Variants in CADM2 observed in about 807,000 individuals in gnomAD.
The protein encoded by CADM2 is cell adhesion molecule 2.
Under a neutral mutation model 49.8 loss-of-function variants are expected in CADM2, and 12 were observed. That is an observed-to-expected ratio of 0.24 (90% CI 0.15 to 0.39). The LOEUF (loss-of-function observed/expected upper bound fraction) is 0.39. Among genes scored for constraint, CADM2 ranks in the 10% least tolerant of loss-of-function variants. CADM2 has a pLI of 1.00. For missense variants in CADM2, 378 were observed against 492.3 expected (o/e 0.77, Z 2.20); for synonymous variants, 214 against 175.4 (o/e 1.22, Z -1.74).
chr3:85,111,464 GT>G (rs2038455161), intron 1 of CADM2, among the ~76,000 whole-genome samples: 1 of 151,820 alleles, frequency 6.6e-6, no homozygotes, highest in African/African-American at 2.4e-5. Context: ...ATGAAAATAT[GT>G]ATTAGTGTTC....
chr3:85,578,003 C>CCTTCCTTCCTTCCTTT (rs1215643112), intron 1 of CADM2, among the ~76,000 whole-genome samples: 1 of 150,654 alleles, frequency 6.6e-6, no homozygotes, highest in Admixed American at 6.6e-5. Context: ...TTCCTTCCTT[C>CCTTCCTTCCTTCCTTT]CTTCCTTCCT....
intron 3 of CADM2, among the ~76,000 whole-genome samples, chr3:85,817,560 C>A (rs1372872629): frequency 6.6e-6 from 1 of 152,130 alleles, no homozygotes; most frequent in Non-Finnish European, 1.5e-5. Context: ...TATTTCTTTG[C>A]AACTTAAAAT....
At chr3:85,329,396 CA>C (rs2044848787) in intron 1 of CADM2, among the ~76,000 whole-genome samples, 1 of 132,120 alleles carries the variant, frequency 7.6e-6, no homozygotes, top group Non-Finnish European at 1.6e-5. Context: ...CACACAGACA[CA>C]CACACACACA....
intron 1 of CADM2, among the ~76,000 whole-genome samples, chr3:85,187,663 A>G (rs184724625): frequency 2.8e-4 from 43 of 152,222 alleles, no homozygotes; most frequent in African/African-American, 9.9e-4. Flanking sequence ...TAATATCAAA[A>G]TTTAAAGTAT....
At chr3:85,581,602 CTTTAA>C (rs1486884499) in intron 1 of CADM2, among the ~76,000 whole-genome samples, 2 of 151,666 alleles carry the variant, frequency 1.3e-5, no homozygotes, top group African/African-American at 2.4e-5. Flanking sequence ...GTTAAACTAC[CTTTAA>C]TTTAAGAGGG....
At chr3:85,810,325 G>C (rs1184278119) in intron 3 of CADM2, among the ~76,000 whole-genome samples, 1 of 152,110 alleles carries the variant, frequency 6.6e-6, no homozygotes, top group African/African-American at 2.4e-5. Context: ...CTAAGGTAAA[G>C]AGTGTGGATC....
At chr3:85,177,785 A>G (rs2040823546) in intron 1 of CADM2, among the ~76,000 whole-genome samples, 1 of 151,980 alleles carries the variant, frequency 6.6e-6, no homozygotes, top group African/African-American at 2.4e-5. Flanking sequence ...CTGTTGGATG[A>G]GTAGTGTATC....
chr3:86,018,566 C>T (rs867269270), intron 8 of CADM2, among the ~76,000 whole-genome samples: 3 of 152,162 alleles, frequency 2.0e-5, no homozygotes, highest in Non-Finnish European at 4.4e-5. Context: ...TAATGATTGC[C>T]ATTCTAACTG....
intron 1 of CADM2, among the ~76,000 whole-genome samples, chr3:85,188,184 G>C (rs920674396): frequency 6.6e-6 from 1 of 151,958 alleles, no homozygotes; most frequent in African/African-American, 2.4e-5. Flanking sequence ...GAATACATGT[G>C]ATTTTAAAAT....
intron 8 of CADM2, among the ~76,000 whole-genome samples, chr3:85,975,353 T>A (rs536260562): frequency 1.3e-5 from 2 of 151,158 alleles, no homozygotes; most frequent in South Asian, 2.1e-4. Context: ...TTTAACAGCC[T>A]GAAAACTATT....
At chr3:85,175,276 AC>A (rs752491133) in intron 1 of CADM2, among the ~76,000 whole-genome samples, 25 of 152,142 alleles carry the variant, frequency 1.6e-4, no homozygotes, top group Non-Finnish European at 2.9e-4. Flanking sequence ...CAGTGCATGC[AC>A]CCCCCGAAAA....
intron 1 of CADM2, among the ~76,000 whole-genome samples, chr3:85,589,235 A>G (rs1260202386): frequency 1.3e-5 from 2 of 151,942 alleles, no homozygotes; most frequent in Non-Finnish European, 2.9e-5. Flanking sequence ...CCCAGATGTG[A>G]GAGTTCCAAC....
At chr3:85,672,918 C>A (rs191934172) in intron 1 of CADM2, among the ~76,000 whole-genome samples, 6 of 152,274 alleles carry the variant, frequency 3.9e-5, no homozygotes, top group Non-Finnish European at 7.4e-5. Flanking sequence ...CTGGTGAAAG[C>A]AGAATGAGTG....
At chr3:85,204,729 C>A (rs921669219) in intron 1 of CADM2, among the ~76,000 whole-genome samples, 1 of 151,992 alleles carries the variant, frequency 6.6e-6, no homozygotes, top group Non-Finnish European at 1.5e-5. Flanking sequence ...TTGCTAGGAG[C>A]TTTGATTAAA....
chr3:85,280,034 G>A (rs2043462922), intron 1 of CADM2, among the ~76,000 whole-genome samples: 1 of 151,338 alleles, frequency 6.6e-6, no homozygotes, highest in African/African-American at 2.4e-5. Flanking sequence ...ATTTAATGTA[G>A]TCCCGCCTAC....
chr3:85,992,890 T>G (rs978140143), intron 8 of CADM2: 1 of 152,210 alleles, frequency 6.6e-6, no homozygotes, highest in African/African-American at 2.4e-5. Context: ...ATTGATTGAT[T>G]ATTCTTTTCC....
intron 1 of CADM2, among the ~76,000 whole-genome samples, chr3:85,247,246 G>A (rs1365799755): frequency 2.6e-5 from 4 of 152,090 alleles, no homozygotes; most frequent in Non-Finnish European, 5.9e-5. Context: ...TACAGTAAGT[G>A]TGGTGTTATG....
intron 1 of CADM2, among the ~76,000 whole-genome samples, chr3:85,246,161 C>G (rs953330426): frequency 1.3e-5 from 2 of 152,078 alleles, no homozygotes; most frequent in African/African-American, 4.8e-5. Context: ...ATAGATGAAG[C>G]TGGAAACCAT....
At chr3:85,124,474 G>T (rs1043766133) in intron 1 of CADM2, among the ~76,000 whole-genome samples, 1 of 151,784 alleles carries the variant, frequency 6.6e-6, no homozygotes, top group Non-Finnish European at 1.5e-5. Flanking sequence ...GCACGGTGGT[G>T]CATGCCTGTA....
Sources: allele counts gnomAD v4.1 joint callset (sites outside exome capture counted in the v4.1 genomes callset), GRCh38; gene constraint gnomAD v4.1.1; transcripts MANE v1.5; gene names NCBI Gene and HGNC (gene_info 2026-07-23, HGNC 2026-07-21).